PARD3: variants seen among roughly 807,000 people sequenced by gnomAD.
PARD3 encodes partitioning defective 3 homolog.
PARD3 carries 75 observed loss-of-function variants against 155.4 expected under a neutral mutation model. The observed-to-expected ratio is 0.48, with a 90% CI of 0.40 to 0.58. The LOEUF (loss-of-function observed/expected upper bound fraction) is 0.58. Ranked by LOEUF, PARD3 falls within the 20% of genes least tolerant of loss-of-function variation. The pLI, the probability that PARD3 is intolerant of heterozygous loss-of-function variation, is 0.00. For missense variants in PARD3, 1,642 were observed against 1,721.7 expected (o/e 0.95, Z 0.82); for synonymous variants, 576 against 610.5 (o/e 0.94, Z 0.83).
intron 22 of PARD3, among the ~76,000 whole-genome samples, chr10:34,178,537 G>A (rs963611523): frequency 6.6e-6 from 1 of 152,142 alleles, no homozygotes; most frequent in African/African-American, 2.4e-5. Flanking sequence ...TTGATCCCAA[G>A]GAAAAACAGG....
intron 22 of PARD3, among the ~76,000 whole-genome samples, chr10:34,156,333 G>A (rs1403369806): frequency 6.6e-6 from 1 of 152,104 alleles, no homozygotes; most frequent in Non-Finnish European, 1.5e-5. Flanking sequence ...CAGGGCTCCA[G>A]TGATCCTGCT....
intron 1 of PARD3, among the ~76,000 whole-genome samples, chr10:34,731,959 G>A (rs2094826340): frequency 6.6e-6 from 1 of 152,120 alleles, no homozygotes; most frequent in Non-Finnish European, 1.5e-5. Context: ...AAAAGGAAGG[G>A]AAGAAATTTT....
intron 2 of PARD3, among the ~76,000 whole-genome samples, chr10:34,528,495 ACTTCTTCACTCCTCTGGGC>A (rs1435977473): frequency 1.3e-5 from 2 of 152,100 alleles, no homozygotes; most frequent in African/African-American, 4.8e-5. Context: ...GCCCTAGGTA[ACTTCTTCACTCCTCTGGGC>A]TCAGTAGTGA....
At chr10:34,156,136 A>C (rs894713837) in intron 22 of PARD3, among the ~76,000 whole-genome samples, 1 of 152,146 alleles carries the variant, frequency 6.6e-6, no homozygotes, top group African/African-American at 2.4e-5. Context: ...TAGAGACAGA[A>C]TCTAACTGTC....
chr10:34,431,196 C>T (rs2075880661), intron 5 of PARD3, among the ~76,000 whole-genome samples: 1 of 152,036 alleles, frequency 6.6e-6, no homozygotes, highest in Non-Finnish European at 1.5e-5. Flanking sequence ...CTGATGCTAC[C>T]CCTTCATTTT....
intron 5 of PARD3, among the ~76,000 whole-genome samples, chr10:34,423,950 T>C (rs1490272575): frequency 6.6e-6 from 1 of 152,160 alleles, no homozygotes; most frequent in Admixed American, 6.5e-5. Flanking sequence ...TGGTCCAATT[T>C]TTATCTACTT....
intron 1 of PARD3, among the ~76,000 whole-genome samples, chr10:34,779,367 T>C (rs1195571892): frequency 6.6e-6 from 1 of 151,238 alleles, no homozygotes; most frequent in African/African-American, 2.4e-5. Context: ...CCCAGCACTT[T>C]GGGAGGCCGA....
chr10:34,726,192 A>T lies in PARD3; in HGVS notation c.121-29773T>A, dbSNP rs567319872. ...AAGCTTTGGCCAGGCACGATGGCTC[A>T]TGCCTGTAACCCCAGCACTTTGGGA... On this transcript the variant is annotated intron_variant, in intron 1 of 24. Transcript: ENST00000374788. Among the ~76,000 whole-genome samples, 37 of 152,370 alleles carry T rather than the reference A, an allele frequency of 2.4e-4. No homozygotes were observed. The South Asian group carries it at 7.7e-3, about 32-fold the overall frequency.
At chr10:34,199,570 C>G (rs1308849199) in intron 22 of PARD3, among the ~76,000 whole-genome samples, 5 of 152,088 alleles carry the variant, frequency 3.3e-5, no homozygotes, top group Admixed American at 3.3e-4. Context: ...GGGCGGCACC[C>G]CCAACCCCGG....
chr10:34,451,664 A>C (rs1020225458), intron 4 of PARD3, among the ~76,000 whole-genome samples: 4 of 152,166 alleles, frequency 2.6e-5, no homozygotes, highest in African/African-American at 9.7e-5. Context: ...GAAATTGATA[A>C]ACATTTACCA....
intron 2 of PARD3, among the ~76,000 whole-genome samples, chr10:34,667,178 T>C (rs1231946235): frequency 6.6e-6 from 1 of 152,140 alleles, no homozygotes; most frequent in Non-Finnish European, 1.5e-5. Flanking sequence ...AACAAGATTA[T>C]TGATACATAA....
intron 22 of PARD3, among the ~76,000 whole-genome samples, chr10:34,190,578 A>C (rs1360794042): frequency 6.6e-6 from 1 of 152,156 alleles, no homozygotes; most frequent in Non-Finnish European, 1.5e-5. Context: ...TGGGGCCACA[A>C]AGTTTGAGAA....
intron 2 of PARD3, among the ~76,000 whole-genome samples, chr10:34,689,140 ATGCT>A (rs2094003191): frequency 6.6e-6 from 1 of 152,218 alleles, no homozygotes; most frequent in Admixed American, 6.5e-5. Context: ...GAGAGGTATA[ATGCT>A]TGTTCTTTTT....
At chr10:34,329,717 G>A (rs986409604) in intron 19 of PARD3, among the ~76,000 whole-genome samples, 21 of 152,182 alleles carry the variant, frequency 1.4e-4, no homozygotes, top group Middle Eastern at 3.4e-3. Flanking sequence ...GGCCTGGAAA[G>A]GCCCAGTTGT....
At chr10:34,190,164 T>C (rs958699812) in intron 22 of PARD3, among the ~76,000 whole-genome samples, 2 of 152,206 alleles carry the variant, frequency 1.3e-5, no homozygotes, top group Non-Finnish European at 2.9e-5. Context: ...CACATTACAA[T>C]AACTAGTAAG....
At chr10:34,735,083 G>A (rs558537851) in intron 1 of PARD3, among the ~76,000 whole-genome samples, 2 of 151,892 alleles carry the variant, frequency 1.3e-5, no homozygotes, top group Admixed American at 1.3e-4. Context: ...AAAATTCCCT[G>A]GTGCTAAGGG....
intron 2 of PARD3, among the ~76,000 whole-genome samples, chr10:34,548,966 C>T (rs1221194683): frequency 1.3e-5 from 2 of 152,212 alleles, no homozygotes; most frequent in African/African-American, 4.8e-5. Flanking sequence ...ACAAATCAAA[C>T]AGTGGCTGCC....
At chr10:34,430,472 G>A (rs981042965) in intron 5 of PARD3, among the ~76,000 whole-genome samples, 9 of 152,114 alleles carry the variant, frequency 5.9e-5, no homozygotes, top group African/African-American at 1.7e-4. Context: ...GATAAGCAGC[G>A]AGAAGAAAAA....
chr10:34,236,805 A>G (rs7085625), intron 22 of PARD3, among the ~76,000 whole-genome samples: 2,676 of 152,302 alleles, frequency 0.018, 79 homozygotes, highest in African/African-American at 0.061. Context: ...CTATTCTCCA[A>G]TAAGTCTGGA....
Sources: gnomAD v4.1 joint callset for allele counts (sites outside exome capture counted in the v4.1 genomes callset) on GRCh38, gnomAD v4.1.1 for gene constraint, MANE v1.5 for transcripts, NCBI Gene and HGNC (gene_info 2026-07-23, HGNC 2026-07-21) for gene names.